The following GRIK4 variants were observed in gnomAD, a reference collection of about 807,000 sequenced individuals.
GRIK4 encodes the protein glutamate ionotropic receptor kainate type subunit 4, also known as glutamate receptor ionotropic, kainate 4.
A neutral mutation model predicts 104.9 loss-of-function variants in GRIK4; 40 were observed. The observed-to-expected ratio is 0.38, with a 90% CI of 0.30 to 0.50. GRIK4 has a LOEUF of 0.50. Among genes scored for constraint, GRIK4 ranks in the 20% least tolerant of loss-of-function variants. GRIK4 has a pLI of 0.93. For synonymous variants in GRIK4, 485 were observed against 524.9 expected (o/e 0.92, Z 1.04); for missense variants, 1,047 against 1,308.1 (o/e 0.80, Z 3.08).
chr11:120,822,160 G>A (rs1027244997), intron 6 of GRIK4, among the ~76,000 whole-genome samples: 1 of 142,124 alleles, frequency 7.0e-6, no homozygotes, highest in South Asian at 2.3e-4. Flanking sequence ...GCAGTGAGCC[G>A]AGATCATGCC....
chr11:120,612,149 T>C (rs929113933), intron 1 of GRIK4, among the ~76,000 whole-genome samples: 1 of 152,224 alleles, frequency 6.6e-6, no homozygotes, highest in Non-Finnish European at 1.5e-5. Context: ...CACTTACTTA[T>C]GTGATGTATC....
intron 3 of GRIK4, among the ~76,000 whole-genome samples, chr11:120,679,625 T>C (rs1197528564): frequency 6.6e-6 from 1 of 152,062 alleles, no homozygotes; most frequent in Non-Finnish European, 1.5e-5. Context: ...ACCTGTAGTG[T>C]CTCCACCCTC....
chr11:120,874,619 GT>G (rs1315486254), intron 10 of GRIK4, among the ~76,000 whole-genome samples: 1 of 152,174 alleles, frequency 6.6e-6, no homozygotes, highest in Non-Finnish European at 1.5e-5. Flanking sequence ...GCTTGGCTGG[GT>G]TTCCCATTGT....
At chr11:120,689,615 T>C (rs1020383508) in intron 3 of GRIK4, among the ~76,000 whole-genome samples, 1 of 152,044 alleles carries the variant, frequency 6.6e-6, no homozygotes, top group Non-Finnish European at 1.5e-5. Context: ...GAAATGTCCT[T>C]TCCTGCCATC....
intron 1 of GRIK4, among the ~76,000 whole-genome samples, chr11:120,635,897 G>A (rs1340758010): frequency 6.6e-6 from 1 of 152,168 alleles, no homozygotes; most frequent in Non-Finnish European, 1.5e-5. Context: ...CCTGGGCTGT[G>A]AAACAGTTAC....
At chr11:120,752,028 C>T (rs1951564150) in intron 3 of GRIK4, among the ~76,000 whole-genome samples, 1 of 152,156 alleles carries the variant, frequency 6.6e-6, no homozygotes, top group Non-Finnish European at 1.5e-5. Context: ...CGGGTGTTCC[C>T]TGCAGGGTGA....
chr11:120,815,666 C>T (rs1467178992), intron 5 of GRIK4, among the ~76,000 whole-genome samples, 191 bp downstream of exon 5: 1 of 152,274 alleles, frequency 6.6e-6, no homozygotes, highest in Non-Finnish European at 1.5e-5. Flanking sequence ...GGAGGGGTCT[C>T]GGAGGAGGTG....
intron 12 of GRIK4, among the ~76,000 whole-genome samples, chr11:120,904,210 T>C (rs1329161934): frequency 6.6e-6 from 1 of 152,116 alleles, no homozygotes; most frequent in East Asian, 1.9e-4. Context: ...TGCTCCACAT[T>C]TTAAACACCC....
In GRIK4 at chr11:120,986,356, G is replaced by GTTGGTATGGTGCATACT; in HGVS notation, c.*97_*98insTGGTATGGTGCATACTT. 1 of 1,343,844 alleles carries GTTGGTATGGTGCATACT rather than the reference G, an allele frequency of 7.4e-7. No individual in the cohort carries two copies. The highest frequency in any genetic ancestry group is 9.6e-7 in the Non-Finnish European group (1 of 1,036,900). The allele number at this position is 1,343,844 out of a possible 1,614,324, so 83.2% of individuals were successfully genotyped here. Reference sequence around the variant, plus strand: ...AGCCGCCAGCCGGAACTTGTACAGCGTCGACACCTCTCCAGATTTCGGATC... The same window carrying GTTGGTATGGTGCATACT: ...AGCCGCCAGCCGGAACTTGTACAGCGTTGGTATGGTGCATACTTCGACACCTCTCCAGATTTCGGATC... On this transcript the variant is annotated 3_prime_UTR_variant, in exon 21 of 21. Coordinates refer to ENST00000527524, the MANE Select transcript of GRIK4 (RefSeq NM_014619.5).
At chr11:120,702,078 C>T (rs1364062211) in intron 3 of GRIK4, among the ~76,000 whole-genome samples, 2 of 151,700 alleles carry the variant, frequency 1.3e-5, no homozygotes, top group African/African-American at 4.8e-5. Context: ...GCCTCAGCCA[C>T]CCGAGTAGCT....
At chr11:120,551,379 C>T (rs541942312) in intron 1 of GRIK4, among the ~76,000 whole-genome samples, 6 of 152,248 alleles carry the variant, frequency 3.9e-5, no homozygotes, top group South Asian at 4.1e-4. Context: ...GAGTGGGTCC[C>T]GCCCTCATAC....
chr11:120,616,537 T>C (rs1949116950), intron 1 of GRIK4, among the ~76,000 whole-genome samples: 1 of 152,068 alleles, frequency 6.6e-6, no homozygotes. Context: ...CCAGGATGGA[T>C]GGAATAGGAA....
chr11:120,864,204 T>TA (rs1954334601), intron 9 of GRIK4, among the ~76,000 whole-genome samples: 1 of 135,056 alleles, frequency 7.4e-6, no homozygotes, highest in African/African-American at 2.8e-5. Flanking sequence ...AGTATTTTTA[T>TA]TTTTATTTAT....
intron 3 of GRIK4, among the ~76,000 whole-genome samples, chr11:120,796,067 G>A (rs1402719848): frequency 7.4e-6 from 1 of 134,848 alleles, no homozygotes; most frequent in Non-Finnish European, 1.5e-5. Context: ...ACGGGGTCTC[G>A]CTCTGTTGCC....
At chr11:120,665,794 C>T (rs1949904267) in intron 3 of GRIK4, among the ~76,000 whole-genome samples, 1 of 152,194 alleles carries the variant, frequency 6.6e-6, no homozygotes, top group South Asian at 2.1e-4. Context: ...CTCCTCTCCT[C>T]CTTGCTCCTC....
At chr11:120,643,768 T>C (rs1949502751) in intron 1 of GRIK4, among the ~76,000 whole-genome samples, 1 of 152,158 alleles carries the variant, frequency 6.6e-6, no homozygotes, top group Non-Finnish European at 1.5e-5. Context: ...GAAGTGACCG[T>C]GTGGAAGCAG....
At chr11:120,544,995 G>A (rs1185693613) in intron 1 of GRIK4, among the ~76,000 whole-genome samples, 8 of 151,974 alleles carry the variant, frequency 5.3e-5, no homozygotes, top group Non-Finnish European at 4.4e-5. Flanking sequence ...CAGGGTTCCC[G>A]CTTTCTCTAA....
At chr11:120,699,705 G>C (rs561436304) in intron 3 of GRIK4, among the ~76,000 whole-genome samples, 1 of 152,256 alleles carries the variant, frequency 6.6e-6, no homozygotes, top group South Asian at 2.1e-4. Flanking sequence ...CTGAGAAAGT[G>C]ACATGTAAGT....
At chr11:120,748,196 T>G (rs923308564) in intron 3 of GRIK4, among the ~76,000 whole-genome samples, 2 of 151,872 alleles carry the variant, frequency 1.3e-5, no homozygotes, top group African/African-American at 2.4e-5. Flanking sequence ...AACCCTCCTC[T>G]CTCCCTGCGT....
Sources: gnomAD v4.1 joint callset for allele counts (sites outside exome capture counted in the v4.1 genomes callset) on GRCh38, gnomAD v4.1.1 for gene constraint, MANE v1.5 for transcripts, NCBI Gene and HGNC (gene_info 2026-07-23, HGNC 2026-07-21) for gene names.